The following ANK3 variants were observed in gnomAD, a reference collection of about 807,000 sequenced individuals.
ANK3 encodes ankyrin 3, also known as ankyrin-3.
A neutral mutation model predicts 370.9 loss-of-function variants in ANK3; 57 were observed. The observed-to-expected ratio is 0.15, with a 90% CI of 0.12 to 0.19. ANK3 has a LOEUF of 0.19. Among genes scored for constraint, ANK3 ranks in the 10% least tolerant of loss-of-function variants. The pLI, the probability that ANK3 is intolerant of heterozygous loss-of-function variation, is 1.00. For missense variants in ANK3, 4,439 were observed against 5,302.1 expected (o/e 0.84, Z 5.06); for synonymous variants, 1,929 against 1,946.3 (o/e 0.99, Z 0.23).
At chr10:60,506,214 GTTC>G in intron 2 of ANK3, among the ~76,000 whole-genome samples, 1 of 152,060 alleles carries the variant, frequency 6.6e-6, no homozygotes, top group Admixed American at 6.6e-5. Context: ...AAAAAGTGCT[GTTC>G]TTCTATAACA....
At chr10:60,313,435 C>A (rs182163901) in intron 1 of ANK3, among the ~76,000 whole-genome samples, 43 of 152,264 alleles carry the variant, frequency 2.8e-4, no homozygotes. Flanking sequence ...AAAGTGCTGA[C>A]TTCATGATAT....
intron 7 of ANK3, among the ~76,000 whole-genome samples, chr10:60,259,849 A>T (rs1187654840): frequency 6.6e-6 from 1 of 152,214 alleles, no homozygotes; most frequent in Non-Finnish European, 1.5e-5. Flanking sequence ...TCTTGAAATG[A>T]ACTTCAGCTT....
intron 4 of ANK3, among the ~76,000 whole-genome samples, chr10:60,275,894 T>C (rs955231704): frequency 1.3e-5 from 2 of 152,186 alleles, no homozygotes; most frequent in Non-Finnish European, 2.9e-5. Flanking sequence ...CTGTGCAGTT[T>C]GAGATTTTTT....
intron 1 of ANK3, among the ~76,000 whole-genome samples, chr10:60,692,219 G>C (rs990887681): frequency 1.3e-5 from 2 of 152,210 alleles, no homozygotes; most frequent in African/African-American, 4.8e-5. Flanking sequence ...TCACTGGGCA[G>C]TGTTCCTACA....
At chr10:60,521,073 C>G (rs2076335847) in intron 2 of ANK3, among the ~76,000 whole-genome samples, 2 of 151,926 alleles carry the variant, frequency 1.3e-5, no homozygotes, top group Admixed American at 6.6e-5. Flanking sequence ...CAAGTGTTAT[C>G]TATTTTGTCA....
At chr10:60,235,598 G>A (rs370748050) in intron 7 of ANK3, among the ~76,000 whole-genome samples, 3 of 114,880 alleles carry the variant, frequency 2.6e-5, no homozygotes, top group Admixed American at 1.1e-4. Context: ...ACAGAGTCTC[G>A]TTATATTGCT....
At chr10:60,252,089 A>G (rs2097676099) in intron 7 of ANK3, among the ~76,000 whole-genome samples, 1 of 152,208 alleles carries the variant, frequency 6.6e-6, no homozygotes, top group Non-Finnish European at 1.5e-5. Context: ...TTAAGTTTGG[A>G]AGAGGGCCAA....
chr10:60,499,085 T>A (rs1447399003), intron 2 of ANK3, among the ~76,000 whole-genome samples: 1 of 152,190 alleles, frequency 6.6e-6, no homozygotes, highest in African/African-American at 2.4e-5. Context: ...TATATTGTCC[T>A]CCAGGATGTT....
At chr10:60,562,918 T>C (rs571242584) in intron 2 of ANK3, among the ~76,000 whole-genome samples, 9 of 152,306 alleles carry the variant, frequency 5.9e-5, no homozygotes, top group Admixed American at 1.3e-4. Context: ...ATTATTTTCT[T>C]GGCAAGCAGG....
At chr10:60,422,918 G>A (rs1372199672) in intron 2 of ANK3, among the ~76,000 whole-genome samples, 9 of 151,980 alleles carry the variant, frequency 5.9e-5, no homozygotes, top group African/African-American at 9.7e-5. Context: ...TTACCAAATC[G>A]GAATACATGC....
At chr10:60,637,067 A>G (rs1164584035) in intron 1 of ANK3, among the ~76,000 whole-genome samples, 3 of 152,162 alleles carry the variant, frequency 2.0e-5, no homozygotes, top group Admixed American at 6.5e-5. Flanking sequence ...TGGAGTGCCT[A>G]TGCCATGTTG....
chr10:60,202,613 T>C (rs1161886199), intron 12 of ANK3, among the ~76,000 whole-genome samples: 1 of 152,186 alleles, frequency 6.6e-6, no homozygotes, highest in Admixed American at 6.5e-5. Flanking sequence ...TAATTAATTA[T>C]AATAACAATA....
rs1439346205 is a variant in ANK3 at position 60,554,866 on chromosome 10, T to C, written c.96+60320A>G. Among the ~76,000 whole-genome samples the C allele has an allele frequency of 2.6e-5, 4 of 152,160 alleles. No homozygotes were observed. The East Asian group carries it at 7.7e-4, about 29-fold the overall frequency. ...GTTACATTACATCATATTAATGCCATGAATCAATATACTGTGTCACGTAAG... is the reference window on the plus strand; with the variant it reads ...GTTACATTACATCATATTAATGCCACGAATCAATATACTGTGTCACGTAAG... On this transcript the variant is annotated intron_variant, in intron 2 of 43. Coordinates refer to the ANK3 transcript ENST00000373827.
At chr10:60,169,365 T>TTTGTTTG (rs35152821) in intron 21 of ANK3, among the ~76,000 whole-genome samples, 1 of 70,028 alleles carries the variant, frequency 1.4e-5, no homozygotes, top group African/African-American at 7.3e-5. Flanking sequence ...TGTCTCATAG[T>TTTGTTTG]TTTTTTTTTT....
intron 40 of ANK3, chr10:60,060,717 T>A (rs1440908968): frequency 2.0e-5 from 3 of 151,976 alleles, no homozygotes; most frequent in Non-Finnish European, 2.9e-5. Flanking sequence ...ATGACCAAGA[T>A]GAAAGGGTTG....
At chr10:60,501,433 A>G (rs1193353575) in intron 2 of ANK3, among the ~76,000 whole-genome samples, 2 of 152,208 alleles carry the variant, frequency 1.3e-5, no homozygotes, top group East Asian at 3.9e-4. Flanking sequence ...GGCCGGGTGC[A>G]GCGGCTCACG....
At chr10:60,648,178 A>G (rs1588969337) in intron 1 of ANK3, among the ~76,000 whole-genome samples, 6 of 79,634 alleles carry the variant, frequency 7.5e-5, no homozygotes, top group Admixed American at 1.8e-4. Context: ...TTTGAGATGG[A>G]GTCTCGCACT....
chr10:60,702,953 G>A (rs2079565292), intron 1 of ANK3, among the ~76,000 whole-genome samples: 1 of 152,018 alleles, frequency 6.6e-6, no homozygotes. Context: ...GAAACACAGG[G>A]AATAAAAGAA....
chr10:60,394,653 C>T (rs963053697), upstream of ANK3, among the ~76,000 whole-genome samples: 1 of 152,170 alleles, frequency 6.6e-6, no homozygotes, highest in Non-Finnish European at 1.5e-5. Context: ...CCGTTGCACA[C>T]AGAAGGCCCC....
Sources: gnomAD v4.1 joint callset for allele counts (sites outside exome capture counted in the v4.1 genomes callset) on GRCh38, gnomAD v4.1.1 for gene constraint, MANE v1.5 for transcripts, NCBI Gene and HGNC (gene_info 2026-07-23, HGNC 2026-07-21) for gene names.